The following BRINP1 variants were observed in gnomAD, a reference collection of about 807,000 sequenced individuals.
BRINP1 encodes the protein BMP/retinoic acid inducible neural specific 1, also known as BMP/retinoic acid-inducible neural-specific protein 1.
BRINP1 carries 17 observed loss-of-function variants against 72.9 expected under a neutral mutation model. The ratio of observed to expected loss-of-function variants is 0.23; its 90% CI spans 0.16 to 0.35. The LOEUF is 0.35. BRINP1 is among the 10% of genes least tolerant of loss of function. The pLI, the probability that BRINP1 is intolerant of heterozygous loss-of-function variation, is 1.00. For synonymous variants in BRINP1, 418 were observed against 378.5 expected (o/e 1.10, Z -1.21); for missense variants, 850 against 1,001.6 (o/e 0.85, Z 2.04).
intron 3 of BRINP1, among the ~76,000 whole-genome samples, chr9:119,243,332 G>T (rs1007518862): frequency 2.0e-5 from 3 of 152,062 alleles, no homozygotes; most frequent in Non-Finnish European, 1.5e-5. Flanking sequence ...CCTTAGTTTG[G>T]TGAGGATAAT....
chr9:119,303,291 GACACAC>G (rs35386714), intron 2 of BRINP1, among the ~76,000 whole-genome samples: 22 of 117,452 alleles, frequency 1.9e-4, no homozygotes, highest in East Asian at 7.7e-4. Context: ...CACACACACA[GACACAC>G]ACACACACAC....
rs1230208806 is a variant in BRINP1, at chr9:119,208,952, A to G, written c.923-11T>C. On this transcript the variant is annotated splice_polypyrimidine_tract_variant and intron_variant, in intron 6 of 7. Coordinates refer to ENST00000265922, the MANE Select transcript of BRINP1 (RefSeq NM_014618.3). The stretch of plus-strand genomic sequence containing the variant: ...ATGATTTAAACTCATCTAGTGAGAG[A>G]CAAAGGCCGAGAGAGAAGGGCTAAG... 1 of 1,606,306 alleles carries G rather than the reference A, an allele frequency of 6.2e-7. No homozygotes were observed. Among genetic ancestry groups the G allele is most frequent in the African/African-American group, 1.3e-5 (1 of 74,776 alleles).
chr9:119,285,811 A>G (rs1830755839), intron 2 of BRINP1, among the ~76,000 whole-genome samples: 1 of 151,992 alleles, frequency 6.6e-6, no homozygotes, highest in Non-Finnish European at 1.5e-5. Context: ...AAGAAACACA[A>G]TTTTACCAGT....
rs527479046 is a variant in BRINP1 at position 119,311,162 on chromosome 9, T to A, written c.218+1976A>T. ...GCAACTACTATATTTATTTTACTCT[T>A]CATTGTATCATCTGCCCTAAACATA... On this transcript the variant is annotated intron_variant, in intron 2 of 7. Coordinates refer to ENST00000265922, the MANE Select transcript of BRINP1 (RefSeq NM_014618.3). Among the ~76,000 whole-genome samples, 4 of 152,306 alleles carry A rather than the reference T, an allele frequency of 2.6e-5. No individual in the cohort carries two copies. In the South Asian group the frequency reaches 8.3e-4, roughly 32 times the overall value.
At chr9:119,261,109 T>C (rs1329273656) in intron 2 of BRINP1, among the ~76,000 whole-genome samples, 1 of 152,158 alleles carries the variant, frequency 6.6e-6, no homozygotes, top group Non-Finnish European at 1.5e-5. Context: ...AACAAGCTGC[T>C]CTGGGAAGTA....
At chr9:119,211,472 C>T (rs1162518674) in intron 6 of BRINP1, among the ~76,000 whole-genome samples, 1 of 152,184 alleles carries the variant, frequency 6.6e-6, no homozygotes, top group Non-Finnish European at 1.5e-5. Context: ...GCTGGGATTA[C>T]AGGCATGAGC....
At chr9:119,230,465 G>A (rs1830137845) in intron 5 of BRINP1, among the ~76,000 whole-genome samples, 2 of 152,114 alleles carry the variant, frequency 1.3e-5, no homozygotes, top group South Asian at 2.1e-4. Flanking sequence ...CTGGGGAAGG[G>A]AGAGATGATG....
chr9:119,171,082 A>G (rs1018995132), intron 7 of BRINP1, among the ~76,000 whole-genome samples: 2 of 150,754 alleles, frequency 1.3e-5, no homozygotes, highest in African/African-American at 2.5e-5. Context: ...ACTAACGAGC[A>G]AAATAACCAG....
intron 1 of BRINP1, among the ~76,000 whole-genome samples, chr9:119,346,828 G>A (rs1355521892): frequency 6.6e-6 from 1 of 152,160 alleles, no homozygotes; most frequent in Non-Finnish European, 1.5e-5. Flanking sequence ...ATAAAGTAAA[G>A]GCTTTGGGTT....
At chr9:119,301,995 G>T (rs1420073769) in intron 2 of BRINP1, among the ~76,000 whole-genome samples, 2 of 152,014 alleles carry the variant, frequency 1.3e-5, no homozygotes, top group Non-Finnish European at 2.9e-5. Flanking sequence ...TCTACCTCTG[G>T]GCAAAACTCC....
At chr9:119,202,205 A>G (rs1003714131) in intron 7 of BRINP1, among the ~76,000 whole-genome samples, 2 of 152,224 alleles carry the variant, frequency 1.3e-5, no homozygotes, top group Admixed American at 6.5e-5. Flanking sequence ...GGGATAAATT[A>G]GCGCTACTTC....
At chr9:119,350,409 G>A (rs973149870) in intron 1 of BRINP1, among the ~76,000 whole-genome samples, 2 of 152,040 alleles carry the variant, frequency 1.3e-5, no homozygotes, top group Admixed American at 6.6e-5. Context: ...TCAGTAACAC[G>A]GATGAATTTA....
At chr9:119,251,652 G>A (rs1259842799) in intron 2 of BRINP1, among the ~76,000 whole-genome samples, 1 of 127,184 alleles carries the variant, frequency 7.9e-6, no homozygotes, top group Non-Finnish European at 1.7e-5. Context: ...CAGGAACAGT[G>A]AGCAGGGATA....
rs895341639 is a variant in BRINP1 at position 119,201,919 on chromosome 9, CT to C, written c.1145+6799del. ...TTTCTACCTTATTTCCCTCTCTCTT[CT>C]TTTTTTCCTTCCTTTTCTCTCCTGC... On this transcript the variant is annotated intron_variant, in intron 7 of 7. Transcript: ENST00000265922. Among the ~76,000 whole-genome samples, 5 of 152,242 alleles carry C rather than the reference CT, an allele frequency of 3.3e-5. No homozygotes were observed. The East Asian group carries it at 7.7e-4, about 24-fold the overall frequency.
intron 2 of BRINP1, among the ~76,000 whole-genome samples, chr9:119,274,278 A>G (rs1830633334): frequency 6.6e-6 from 1 of 152,180 alleles, no homozygotes; most frequent in Non-Finnish European, 1.5e-5. Flanking sequence ...TAGAAGGAGA[A>G]CCCAGCGTCC....
At chr9:119,227,021 G>C (rs770903763) in intron 5 of BRINP1, among the ~76,000 whole-genome samples, 2 of 151,862 alleles carry the variant, frequency 1.3e-5, no homozygotes, top group Middle Eastern at 3.2e-3. Context: ...ACTGTGTTGA[G>C]GTTTACATGA....
At chr9:119,319,929 C>G (rs1192158712) in intron 1 of BRINP1, among the ~76,000 whole-genome samples, 1 of 152,050 alleles carries the variant, frequency 6.6e-6, no homozygotes, top group Non-Finnish European at 1.5e-5. Context: ...GGAGTCACAC[C>G]CAAGTGTGAA....
intron 1 of BRINP1, among the ~76,000 whole-genome samples, chr9:119,358,026 T>G (rs1831586435): frequency 6.6e-6 from 1 of 152,208 alleles, no homozygotes; most frequent in African/African-American, 2.4e-5. Context: ...ATTGTATATC[T>G]TGGGGCAAAT....
intron 1 of BRINP1, among the ~76,000 whole-genome samples, chr9:119,324,869 G>A (rs547674732): frequency 2.0e-5 from 3 of 152,276 alleles, no homozygotes; most frequent in East Asian, 3.9e-4. Flanking sequence ...GGAGACCGAG[G>A]TGGGCAGATC....
Sources: gnomAD v4.1 joint callset for allele counts (sites outside exome capture counted in the v4.1 genomes callset) on GRCh38, gnomAD v4.1.1 for gene constraint, MANE v1.5 for transcripts, NCBI Gene and HGNC (gene_info 2026-07-23, HGNC 2026-07-21) for gene names.